Variants in WDR87 observed in about 807,000 individuals in gnomAD.
The protein encoded by WDR87 is WD repeat-containing protein 87.
Under a neutral mutation model 83.3 loss-of-function variants are expected in WDR87, and 56 were observed. The ratio of observed to expected loss-of-function variants is 0.67; its 90% CI spans 0.54 to 0.84. The LOEUF is 0.84. WDR87 is among the 40% of genes least tolerant of loss of function. WDR87 has a pLI of 0.00. For synonymous variants in WDR87, 1,173 were observed against 1,250.6 expected, an observed-to-expected ratio of 0.94 and a Z score of 1.31; for missense variants, 2,939 against 3,431.9, an observed-to-expected ratio of 0.86 and a Z score of 3.59.
chr19:37,897,990 G>A lies in WDR87; in HGVS notation c.75+175C>T, dbSNP rs115226645. 1.5e-3 allele frequency among the ~76,000 whole-genome samples: 225 copies of A among 152,264 alleles called. 1 individual carries two copies. The highest frequency in any genetic ancestry group is 4.7e-3 in the African/African-American group (197 of 41,556). ...CTTTCCACTATCAAAATGTCCTTGCGAGAAGTCTGTGACTCATGGAAATTG... is the reference window on the plus strand; with the variant it reads ...CTTTCCACTATCAAAATGTCCTTGCAAGAAGTCTGTGACTCATGGAAATTG... On this transcript the variant is annotated intron_variant, in intron 2 of 5. Transcript: ENST00000447313.
At chr19:37,902,497 C>T (rs924441357) in intron 1 of WDR87, among the ~76,000 whole-genome samples, 10 of 152,164 alleles carry the variant, frequency 6.6e-5, no homozygotes, top group African/African-American at 2.2e-4. Context: ...GGATTACAGG[C>T]GTGAGCCACC....
chr19:37,889,510 T>C lies in WDR87; in HGVS notation c.4161A>G (p.Glu1387=), dbSNP rs1363679617. The C allele has an allele frequency of 2.6e-6, 4 of 1,550,584 alleles. No homozygotes were observed. The highest frequency in any genetic ancestry group is 2.6e-6 in the Non-Finnish European group (3 of 1,146,876). The change falls in exon 6 of 6, where the codon GAA becomes GAG. Residue 1387 remains glutamate (E), a synonymous_variant. Transcript: ENST00000447313. The part of the protein sequence containing the change: ...RHKEVMPREE[E]QAQKKARDML... ...TGTCTCTTGCTTTCTTTTGTGCTTG[T>C]TCTTCTTCCCTTGGCATCACTTCCT...
At position 37,895,187 on chromosome 19, in the gene WDR87, C is replaced by A. The variant is rs1051579188; in HGVS notation, c.516G>T (p.Val172=). The A allele has an allele frequency of 1.9e-6, 3 of 1,551,582 alleles. No individual in the cohort carries two copies. The African/African-American group carries it at 4.1e-5, about 21-fold the overall frequency. Residue 172 remains valine, a synonymous_variant, in exon 4 of 6, where the codon GTG becomes GTT. Coordinates refer to ENST00000447313, the MANE Select transcript of WDR87 (RefSeq NM_001291088.2). ...KMLLSGILGA[V]VTWVIELGGT... Reference sequence around the variant, plus strand: ...CACCTAGCTCAATGACCCAGGTCACCACTGCCCCCAGGATGCCAGACAGAA... The same window carrying A: ...CACCTAGCTCAATGACCCAGGTCACAACTGCCCCCAGGATGCCAGACAGAA...
rs2046190057 is a variant in WDR87 at position 37,889,950 on chromosome 19, T to C, written c.3721A>G (p.Ile1241Val). The C allele has an allele frequency of 1.9e-6, 3 of 1,551,618 alleles. No individual in the cohort carries two copies. The highest frequency in any genetic ancestry group is 1.7e-6 in the Non-Finnish European group (2 of 1,147,000). ...HKKKGKEAKVINEETTPPVME... is the reference protein window; with the variant it reads ...HKKKGKEAKVVNEETTPPVME... Reference sequence around the variant, plus strand: ...ACAGGAGGTGTAGTTTCCTCATTTATAACTTTGGCTTCTTTTCCCTTCTTT... The same window carrying C: ...ACAGGAGGTGTAGTTTCCTCATTTACAACTTTGGCTTCTTTTCCCTTCTTT... Residue 1241 changes from isoleucine to valine, a missense_variant, in exon 6 of 6, where the codon ATA becomes GTA. Coordinates refer to ENST00000447313, the MANE Select transcript of WDR87 (RefSeq NM_001291088.2).
In WDR87 at chr19:37,893,190, G is replaced by T. The variant is rs927241159; in HGVS notation, c.2513C>A (p.Thr838Asn). ...CAGGTTGCACTGTAGGTATATTGGG[G>T]TGCCCTCTGGCCAAAGACGGGCACG... ...VIRARLWPEG[T>N]PIYLQCNLHA... Residue 838 changes from threonine (T) to asparagine (N), a missense_variant, in exon 4 of 6, where the codon ACC becomes AAC. This residue lies in a region of WDR87 where 2,160 missense variants were observed against 2,533.1 expected (regional missense o/e 0.85). Transcript: ENST00000447313. The T allele has an allele frequency of 3.9e-6, 6 of 1,551,752 alleles. No individual in the cohort carries two copies. In the Admixed American group the frequency reaches 1.2e-4, roughly 30 times the overall value.
At position 37,892,593 on chromosome 19, in the gene WDR87, G is replaced by C; in HGVS notation, c.3110C>G (p.Thr1037Ser). 1 of 1,495,188 alleles carries C rather than the reference G, an allele frequency of 6.7e-7. No homozygotes were observed. Among genetic ancestry groups the C allele is most frequent in the Non-Finnish European group, 9.0e-7 (1 of 1,116,732 alleles). The allele number at this position is 1,495,188 out of a possible 1,614,324, so 92.6% of individuals were successfully genotyped here. ...SLLQLTQKQE[T>S]FREMQQQMIG... Reference sequence around the variant, plus strand: ...ACAAACTTACTGCATCTCCCGAAAAGTCTCTTGTTTTTGGGTCAGCTGTAA... The same window carrying C: ...ACAAACTTACTGCATCTCCCGAAAACTCTCTTGTTTTTGGGTCAGCTGTAA... The change falls in exon 4 of 6, where the codon ACT becomes AGT. Residue 1037 changes from threonine to serine, a missense_variant. Transcript: ENST00000447313.
chr19:37,891,152 C>T (rs918637093), intron 5 of WDR87, among the ~76,000 whole-genome samples: 4 of 143,600 alleles, frequency 2.8e-5, no homozygotes, highest in African/African-American at 5.2e-5. Context: ...TCTCTCTTCC[C>T]ACCTGGTATC....
Position 37,896,195 on chromosome 19 carries a change from A to C in WDR87, c.189T>G (p.Ser63Arg). The C allele has an allele frequency of 6.4e-7, 1 of 1,552,376 alleles. No homozygotes were observed. Among genetic ancestry groups the C allele is most frequent in the Non-Finnish European group, 8.7e-7 (1 of 1,147,140 alleles). ...QNMPCVCYYF[S>R]DAHFFASLSW... ...AGAGGGAGGCGAAGAAGTGGGCATC[A>C]CTGAAGTAATAGCATACACACGGCA... The change falls in exon 3 of 6, where the codon AGT (serine) becomes AGG (arginine). Residue 63 changes from serine (S) to arginine (R), a missense_variant. Coordinates refer to ENST00000447313, the MANE Select transcript of WDR87 (RefSeq NM_001291088.2).
chr19:37,889,009 C>G lies in WDR87; in HGVS notation c.4662G>C (p.Lys1554Asn), dbSNP rs1232428300. Residue 1554 changes from lysine (K) to asparagine (N), a missense_variant, in exon 6 of 6, where the codon AAG becomes AAC. Around this residue, in one of 3 missense-constraint regions of WDR87, gnomAD observed 2,160 missense variants for 2,533.1 expected, o/e 0.85. Transcript: ENST00000447313. Reference sequence around the variant, plus strand: ...CTTGTTTCCACTCCTCCCATTTCAGCTTCTTGTCCTCCTGAAGCATTTCCT... The same window carrying G: ...CTTGTTTCCACTCCTCCCATTTCAGGTTCTTGTCCTCCTGAAGCATTTCCT... ...PEEEMLQEDK[K>N]LKWEEWKQVW... 6.4e-7 allele frequency: 1 copy of G among 1,551,928 alleles called. No homozygotes were observed. Among genetic ancestry groups the G allele is most frequent in the African/African-American group, 1.4e-5 (1 of 73,038 alleles).
Position 37,893,406 on chromosome 19 carries a change from T to C in WDR87, c.2297A>G (p.His766Arg), listed in dbSNP as rs1170459475. Reference sequence around the variant, plus strand: ...ATCTTCCATGTCCTGCAAAGAATAATGCATGGAGGAACGCAGTAACACTGG... The same window carrying C: ...ATCTTCCATGTCCTGCAAAGAATAACGCATGGAGGAACGCAGTAACACTGG... ...GSPVLLRSSM[H>R]YSLQDMEDWM... is the part of the protein sequence containing the mutation. Residue 766 changes from histidine to arginine, a missense_variant, in exon 4 of 6, where the codon CAT (histidine) becomes CGT (arginine). This residue lies in a region of WDR87 where 2,160 missense variants were observed against 2,533.1 expected (regional missense o/e 0.85). Coordinates refer to ENST00000447313, the MANE Select transcript of WDR87 (RefSeq NM_001291088.2). The C allele has an allele frequency of 1.1e-5, 17 of 1,552,094 alleles. No homozygotes were observed. The highest frequency in any genetic ancestry group is 1.5e-5 in the Non-Finnish European group (17 of 1,147,116).
In WDR87 at chr19:37,885,319, T is replaced by G; in HGVS notation, c.8352A>C (p.Lys2784Asn). The change falls in exon 6 of 6, where the codon AAA (lysine) becomes AAC (asparagine). Residue 2784 changes from lysine (K) to asparagine (N), a missense_variant. This residue lies in a region of WDR87 where 2,160 missense variants were observed against 2,533.1 expected (regional missense o/e 0.85). Transcript: ENST00000447313. ...VLRMLQQRYP[K>N]DSTAWMEQFY... The stretch of plus-strand genomic sequence containing the variant: ...ACTGTTCCATCCAAGCAGTGCTGTC[T>G]TTTGGATATCGCTGCTGCAGCATCC... The G allele has an allele frequency of 6.4e-7, 1 of 1,551,542 alleles. No individual in the cohort carries two copies. Among genetic ancestry groups the G allele is most frequent in the South Asian group, 1.2e-5 (1 of 84,026 alleles).
chr19:37,896,587 T>A (rs745742011), intron 2 of WDR87, among the ~76,000 whole-genome samples: 14 of 152,192 alleles, frequency 9.2e-5, no homozygotes, highest in Non-Finnish European at 1.8e-4. Flanking sequence ...CTTTTCAACA[T>A]GAAGTTAGCC....
intron 4 of WDR87, 126 bp downstream of exon 4, chr19:37,892,452 G>A (rs1341552727): frequency 2.3e-5 from 21 of 904,004 alleles, no homozygotes; most frequent in Admixed American, 2.9e-5. Context: ...TCATCTAGGC[G>A]TGAGCAAAGG....
In WDR87 at chr19:37,891,643, G is replaced by T; in HGVS notation, c.3303C>A (p.Ser1101=). The T allele has an allele frequency of 6.4e-7, 1 of 1,551,900 alleles. No individual in the cohort carries two copies. ...CTTCAGAAACTGTAGGAGGTTTCAG[G>T]GAGGATTTAAGTTCAGAAGGCATTG... ...DVSMPSELKS[S]LKPPTVSEES... The change falls in exon 5 of 6, where the codon TCC becomes TCA. Residue 1101 remains serine (S), a synonymous_variant. Transcript: ENST00000447313.
chr19:37,885,794 C>T lies in WDR87; in HGVS notation c.7877G>A (p.Arg2626Lys), dbSNP rs909527447. 5 of 1,551,660 alleles carry T rather than the reference C, an allele frequency of 3.2e-6. No homozygotes were observed. The highest frequency in any genetic ancestry group is 1.7e-4 in the Middle Eastern group (1 of 6,016). ...ACTCATGGACTGTCTACTTGAGATC[C>T]TTGTGTCTTGTGACTCCAGGGCCTG... is the stretch of plus-strand genomic sequence containing the variant. ...HRQALESQDT[R>K]ISSRQSMSPK... The change falls in exon 6 of 6, where the codon AGG (arginine) becomes AAG (lysine). Residue 2626 changes from arginine (R) to lysine (K), a missense_variant. Arg to Lys is a conservative substitution (Grantham distance 26). This residue lies in a region of WDR87 where 2,160 missense variants were observed against 2,533.1 expected (regional missense o/e 0.85). Transcript: ENST00000447313.
chr19:37,886,285 A>G lies in WDR87; in HGVS notation c.7386T>C (p.Val2462=), dbSNP rs1160753825. 6.4e-7 allele frequency: 1 copy of G among 1,551,626 alleles called. No homozygotes were observed. Among genetic ancestry groups the G allele is most frequent in the Non-Finnish European group, 8.7e-7 (1 of 1,146,984 alleles). The part of the protein sequence containing the change: ...ISWEDKKATV[V]EIPRKFLGTM... ...TCCCTAAGAATTTCCTGGGTATTTC[A>G]ACTACTGTGGCCTTTTTATCTTCCC... is the stretch of plus-strand genomic sequence containing the variant. The change falls in exon 6 of 6, where the codon GTT becomes GTC. Residue 2462 remains valine, a synonymous_variant. Coordinates refer to ENST00000447313, the MANE Select transcript of WDR87 (RefSeq NM_001291088.2).
In WDR87 at chr19:37,887,634, TCTC is replaced by T; in HGVS notation, c.6034_6036del (p.Glu2012del). On this transcript the variant is annotated inframe_deletion, in exon 6 of 6. Coordinates refer to ENST00000447313, the MANE Select transcript of WDR87 (RefSeq NM_001291088.2). ...TCTTTTCCCTCAACCAGTCTCATCT[TCTC>T]CTCAGCCAGTCTTTTCATTTCCAGG... 6.4e-7 allele frequency: 1 copy of T among 1,552,120 alleles called. No individual in the cohort carries two copies. The highest frequency in any genetic ancestry group is 8.7e-7 in the Non-Finnish European group (1 of 1,147,082).
Position 37,886,467 on chromosome 19 carries a change from T to C in WDR87, c.7204A>G (p.Arg2402Gly). 6.6e-7 allele frequency: 1 copy of C among 1,526,150 alleles called. No individual in the cohort carries two copies. The allele number at this position is 1,526,150 out of a possible 1,614,324, so 94.5% of individuals were successfully genotyped here. ...CTTAAAATGGAAAGGACTCTTTCCC[T>C]TCCTCTTAGGCTCTTTCTTCTTTGT... ...QEQRRKSLRG[R>G]ERVLSILRGV... The change falls in exon 6 of 6, where the codon AGG becomes GGG. Residue 2402 changes from arginine to glycine, a missense_variant. Physicochemically the swap from Arg to Gly is moderately radical, Grantham distance 125 (BLOSUM62 -2). Coordinates refer to ENST00000447313, the MANE Select transcript of WDR87 (RefSeq NM_001291088.2).
chr19:37,891,709 CAG>C lies in WDR87; in HGVS notation c.3235_3236del (p.Leu1079ValfsTer3). On this transcript the variant is annotated frameshift_variant, in exon 5 of 6. Coordinates refer to ENST00000447313, the MANE Select transcript of WDR87 (RefSeq NM_001291088.2). LOFTEE classifies it high-confidence loss of function. ...VEQRLNENLTLSHRDEKPAFS... is the reference protein window; with the variant it reads ...VEQRLNENLTXSHRDEKPAFS... Reference sequence around the variant, plus strand: ...AAGCCGGCTTTTCATCTCTATGTGACAGGGTCAGGTTTTCATTCAATCTCTGC... The same window carrying C: ...AAGCCGGCTTTTCATCTCTATGTGACGGTCAGGTTTTCATTCAATCTCTGC... The C allele has an allele frequency of 6.4e-7, 1 of 1,551,962 alleles. No homozygotes were observed. The highest frequency in any genetic ancestry group is 8.7e-7 in the Non-Finnish European group (1 of 1,147,066).
Sources: allele counts gnomAD v4.1 joint callset (sites outside exome capture counted in the v4.1 genomes callset), GRCh38; gene constraint gnomAD v4.1.1; regional missense constraint gnomAD v4.1.1; transcripts MANE v1.5; gene names NCBI Gene and HGNC (gene_info 2026-07-23, HGNC 2026-07-21).